The following OPCML variants were observed in gnomAD, a reference collection of about 807,000 sequenced individuals.
OPCML encodes the protein opioid-binding protein/cell adhesion molecule.
Under a neutral mutation model 37.8 loss-of-function variants are expected in OPCML, and 13 were observed. The ratio of observed to expected loss-of-function variants is 0.34; its 90% CI spans 0.22 to 0.55. The LOEUF is 0.55. OPCML is among the 20% of genes least tolerant of loss of function. The pLI is 0.91. For synonymous variants in OPCML, 176 were observed against 168.8 expected (o/e 1.04, Z -0.33); for missense variants, 341 against 435.6 (o/e 0.78, Z 1.93).
intron 1 of OPCML, among the ~76,000 whole-genome samples, chr11:132,950,018 C>T (rs543273033): frequency 6.6e-6 from 1 of 152,296 alleles, no homozygotes; most frequent in East Asian, 1.9e-4. Flanking sequence ...GCTGAGCAAA[C>T]AAACACCATA....
chr11:133,262,534 G>T (rs570787012), intron 1 of OPCML, among the ~76,000 whole-genome samples: 1 of 152,280 alleles, frequency 6.6e-6, no homozygotes, highest in East Asian at 1.9e-4. Context: ...CTGAGACTGG[G>T]TGAGTTGTCA....
At chr11:133,175,657 CTTT>C (rs35382294) in intron 1 of OPCML, among the ~76,000 whole-genome samples, 2 of 142,464 alleles carry the variant, frequency 1.4e-5, no homozygotes, top group African/African-American at 2.6e-5. Flanking sequence ...AATTCACTGA[CTTT>C]TTTTTTTTTT....
intron 2 of OPCML, among the ~76,000 whole-genome samples, chr11:132,823,391 A>G (rs1346417627): frequency 2.0e-5 from 3 of 152,104 alleles, no homozygotes; most frequent in Non-Finnish European, 4.4e-5. Flanking sequence ...ACTTGCTAAA[A>G]AAGTTGATGT....
chr11:133,446,097 T>A (rs1052303829), intron 1 of OPCML, among the ~76,000 whole-genome samples: 4 of 152,168 alleles, frequency 2.6e-5, no homozygotes, highest in Non-Finnish European at 5.9e-5. Flanking sequence ...AAGATTCTCA[T>A]CTTTTTATTC....
chr11:133,012,420 T>A (rs1298106391), intron 1 of OPCML, among the ~76,000 whole-genome samples: 1 of 152,168 alleles, frequency 6.6e-6, no homozygotes, highest in Non-Finnish European at 1.5e-5. Context: ...AGAGGGGGAA[T>A]GTGAATCTCT....
At chr11:133,463,140 C>CAAA (rs1565648450) in intron 1 of OPCML, among the ~76,000 whole-genome samples, 38 of 109,846 alleles carry the variant, frequency 3.5e-4, no homozygotes, top group African/African-American at 1.0e-3. Context: ...AAAAAAAAAT[C>CAAA]AAAAAAACCT....
chr11:133,332,149 TA>T (rs956176571), intron 1 of OPCML, among the ~76,000 whole-genome samples: 1 of 152,202 alleles, frequency 6.6e-6, no homozygotes, highest in Non-Finnish European at 1.5e-5. Flanking sequence ...ATCATCTCCC[TA>T]GTTAGCCATA....
intron 2 of OPCML, among the ~76,000 whole-genome samples, chr11:132,742,272 C>T (rs2136041595): frequency 6.6e-6 from 1 of 152,206 alleles, no homozygotes; most frequent in South Asian, 2.1e-4. Flanking sequence ...TATGTTGAAA[C>T]CCTAAGCACC....
chr11:132,738,901 T>C (rs1945346650), intron 2 of OPCML, among the ~76,000 whole-genome samples: 1 of 152,072 alleles, frequency 6.6e-6, no homozygotes, highest in Non-Finnish European at 1.5e-5. Flanking sequence ...ATGAAGAGGA[T>C]CAAAATATGC....
intron 1 of OPCML, among the ~76,000 whole-genome samples, chr11:133,163,756 T>C (rs1485341334): frequency 1.3e-5 from 2 of 152,184 alleles, no homozygotes; most frequent in Non-Finnish European, 2.9e-5. Flanking sequence ...GGTGTTCCTG[T>C]CTCCTTTAAT....
At chr11:133,532,161 C>A in intron 1 of OPCML, 103 bp downstream of exon 1, 1 of 1,532,002 alleles carries the variant, frequency 6.5e-7, no homozygotes, top group South Asian at 1.2e-5. Context: ...CACTCCCTGT[C>A]CTCACCCCTT....
intron 7 of OPCML, among the ~76,000 whole-genome samples, chr11:132,428,616 G>A (rs1163994744): frequency 6.6e-6 from 1 of 152,118 alleles, no homozygotes; most frequent in Non-Finnish European, 1.5e-5. Context: ...CAGCACACTG[G>A]GAGACACAGT....
rs570724953 is a variant in OPCML, at chr11:132,834,467, A to G, written c.146+108459T>C. ...TTCTGAAGGGTAGAAGTCCAAACCA[A>G]GGTGTTGGCAGGGCCATGCCCCTCT... On this transcript the variant is annotated intron_variant, in intron 2 of 7. Coordinates refer to ENST00000524381, the MANE Select transcript of OPCML (RefSeq NM_001012393.5). Among the ~76,000 whole-genome samples the G allele has an allele frequency of 3.0e-4, 46 of 152,310 alleles. No individual in the cohort carries two copies. The South Asian group carries it at 9.3e-3, about 31-fold the overall frequency.
chr11:133,140,522 TAATAATAATAAG>T (rs1482563062), intron 1 of OPCML, among the ~76,000 whole-genome samples: 51 of 59,460 alleles, frequency 8.6e-4, no homozygotes, highest in East Asian at 6.2e-4. Context: ...AAAATAATAA[TAATAATAATAAG>T]AAGAAGAAGA....
At chr11:132,562,173 C>A (rs1034975106) in intron 3 of OPCML, among the ~76,000 whole-genome samples, 2 of 152,112 alleles carry the variant, frequency 1.3e-5, no homozygotes, top group African/African-American at 4.8e-5. Context: ...GGCCTGGCAA[C>A]ACAGGTCCCG....
intron 1 of OPCML, among the ~76,000 whole-genome samples, chr11:133,019,138 C>A (rs774534758): frequency 2.6e-5 from 4 of 152,110 alleles, no homozygotes; most frequent in African/African-American, 9.7e-5. Flanking sequence ...TGACACCTGG[C>A]CTGTGGATTG....
chr11:132,622,808 C>A (rs1307204142), intron 3 of OPCML, among the ~76,000 whole-genome samples: 1 of 152,138 alleles, frequency 6.6e-6, no homozygotes, highest in East Asian at 1.9e-4. Flanking sequence ...TGGTTGCAAG[C>A]ATTTATCATA....
intron 1 of OPCML, among the ~76,000 whole-genome samples, chr11:132,989,009 TG>T (rs1946728008): frequency 6.6e-6 from 1 of 152,166 alleles, no homozygotes; most frequent in Admixed American, 6.5e-5. Flanking sequence ...CAAACTCCAT[TG>T]GCAAAAATTC....
chr11:133,291,786 C>T (rs746229012), intron 1 of OPCML, among the ~76,000 whole-genome samples: 3 of 152,234 alleles, frequency 2.0e-5, no homozygotes, highest in Non-Finnish European at 4.4e-5. Flanking sequence ...CAGCATTTTA[C>T]TCTCCACTGC....
Sources: allele counts gnomAD v4.1 joint callset (sites outside exome capture counted in the v4.1 genomes callset), GRCh38; gene constraint gnomAD v4.1.1; transcripts MANE v1.5; gene names NCBI Gene and HGNC (gene_info 2026-07-23, HGNC 2026-07-21).